NDUFS1: variants seen among roughly 807,000 people sequenced by gnomAD.
NDUFS1 encodes the protein NADH-ubiquinone oxidoreductase 75 kDa subunit, mitochondrial.
A neutral mutation model predicts 84.4 loss-of-function variants in NDUFS1; 61 were observed. The ratio of observed to expected loss-of-function variants is 0.72; its 90% CI spans 0.59 to 0.89. NDUFS1 has a LOEUF of 0.89. NDUFS1 is among the 40% of genes least tolerant of loss of function. NDUFS1 has a pLI of 0.00. For synonymous variants in NDUFS1, 275 were observed against 290.0 expected, an observed-to-expected ratio of 0.95 and a Z score of 0.53; for missense variants, 891 against 890.0, an observed-to-expected ratio of 1.00 and a Z score of -0.01.
In NDUFS1 at chr2:206,118,814, C is replaced by T. The variant is rs930521704; in HGVS notation, c.*5371G>A. 2.7e-5 allele frequency: 4 copies of T among 150,130 alleles called. No homozygotes were observed. Among genetic ancestry groups the T allele is most frequent in the South Asian group, 2.1e-4 (1 of 4,688 alleles). The allele number at this position is 150,130 out of a possible 1,614,324, so 9.3% of individuals were successfully genotyped here. A position where few individuals can be genotyped will look rare whatever the true frequency, so the allele number is the denominator to read the frequency against. On this transcript the variant is annotated 3_prime_UTR_variant, in exon 19 of 19. Transcript: ENST00000233190. Reference sequence around the variant, plus strand: ...TAAAAATACAAAAATTGACTGGGCACGGATAGCTCACGCCTGTAATCCCAG... The same window carrying T: ...TAAAAATACAAAAATTGACTGGGCATGGATAGCTCACGCCTGTAATCCCAG...
rs1028038730 is a variant in NDUFS1, at chr2:206,142,900, A to G, written c.988-69T>C. On this transcript the variant is annotated intron_variant, in intron 10 of 18. Transcript: ENST00000233190. Reference sequence around the variant, plus strand: ...GCAAAGACCACAATGAAATGTTCAGAAAATAAAACAGTACTTGTTTTCAAG... The same window carrying G: ...GCAAAGACCACAATGAAATGTTCAGGAAATAAAACAGTACTTGTTTTCAAG... 63 of 1,579,254 alleles carry G rather than the reference A, an allele frequency of 4.0e-5. No homozygotes were observed. The African/African-American group carries it at 8.4e-4, about 21-fold the overall frequency.
intron 13 of NDUFS1, among the ~76,000 whole-genome samples, chr2:206,136,282 G>A (rs1242491894): frequency 1.3e-5 from 2 of 150,856 alleles, no homozygotes; most frequent in Non-Finnish European, 3.0e-5. Flanking sequence ...TCAAACTCCT[G>A]ACCTTGTGAT....
chr2:206,138,200 C>G (rs1356143203), intron 13 of NDUFS1, among the ~76,000 whole-genome samples: 1 of 152,166 alleles, frequency 6.6e-6, no homozygotes, highest in Admixed American at 6.5e-5. Flanking sequence ...AAGCAATTCT[C>G]CTGCTTCAGC....
Position 206,130,107 on chromosome 2 carries a change from A to C in NDUFS1, c.1689T>G (p.Asp563Glu). 1.2e-6 allele frequency: 2 copies of C among 1,614,170 alleles called. No individual in the cohort carries two copies. Among genetic ancestry groups the C allele is most frequent in the Non-Finnish European group, 1.7e-6 (2 of 1,180,028 alleles). Residue 563 changes from aspartate to glutamate, a missense_variant, in exon 15 of 19, where the codon GAT becomes GAG. Transcript: ENST00000233190. ...GCITRQDLPK[D>E]CFIIYQGHHG... is the part of the protein sequence containing the mutation. ...ACTTACCTTGATAAATAATGAAACA[A>C]TCCTTTGGCAAATCCTGTCGTGTGA...
In NDUFS1 at chr2:206,116,133, A is replaced by G. The variant is rs1690936701; in HGVS notation, c.*8052T>C. ...TTTCACTCCTCAATAGATTTTATGT[A>G]TTTCTCATATGCTTCTTCACTCATA... On this transcript the variant is annotated 3_prime_UTR_variant, in exon 19 of 19. Coordinates refer to ENST00000233190, the MANE Select transcript of NDUFS1 (RefSeq NM_005006.7). 1.4e-5 allele frequency: 21 copies of G among 1,505,682 alleles called. No individual in the cohort carries two copies. The highest frequency in any genetic ancestry group is 1.8e-5 in the Non-Finnish European group (20 of 1,082,736). The allele number at this position is 1,505,682 out of a possible 1,614,324, so 93.3% of individuals were successfully genotyped here. A position where few individuals can be genotyped will look rare whatever the true frequency, so the allele number is the denominator to read the frequency against.
At chr2:206,126,461 G>T in intron 18 of NDUFS1, 78 bp downstream of exon 18, 2 of 1,312,922 alleles carry the variant, frequency 1.5e-6, no homozygotes, top group Non-Finnish European at 1.1e-6. Context: ...TCACAAATTG[G>T]AATTATAACA....
chr2:206,129,573 G>T (rs1278858918), intron 15 of NDUFS1, among the ~76,000 whole-genome samples: 1 of 151,086 alleles, frequency 6.6e-6, no homozygotes, highest in Non-Finnish European at 1.5e-5. Context: ...ACAGGATTTA[G>T]TTCATATATT....
chr2:206,142,404 G>C (rs766904696), intron 11 of NDUFS1, among the ~76,000 whole-genome samples: 1 of 151,928 alleles, frequency 6.6e-6, no homozygotes, highest in Non-Finnish European at 1.5e-5. Flanking sequence ...TAGTAGAGAC[G>C]GGGTTTCGCC....
At position 206,153,643 on chromosome 2, in the gene NDUFS1, G is replaced by C. The variant is rs1330873364; in HGVS notation, c.36C>G (p.Gly12=). The C allele has an allele frequency of 1.3e-6, 2 of 1,544,742 alleles. No homozygotes were observed. Among genetic ancestry groups the C allele is most frequent in the Admixed American group, 3.4e-5 (2 of 58,370 alleles). The change falls in exon 2 of 19, where the codon GGC becomes GGG. Residue 12 remains glycine (G), a synonymous_variant. Transcript: ENST00000233190. ...CACATCCTTTAGGAGACTTAGAAAG[G>C]CCTACTAAGGCCTTTCTTACAGGTA... is the stretch of plus-strand genomic sequence containing the variant. ...LRIPVRKALV[G]LSKSPKGCVR...
chr2:206,124,143 C>T lies in NDUFS1; in HGVS notation c.*42G>A, dbSNP rs753013702. 2.4e-6 allele frequency: 3 copies of T among 1,243,856 alleles called. No homozygotes were observed. Among genetic ancestry groups the T allele is most frequent in the Admixed American group, 1.7e-5 (1 of 59,488 alleles). 77.1% of individuals were successfully genotyped at this position (1,243,856 alleles called of 1,614,324 possible). On this transcript the variant is annotated 3_prime_UTR_variant, in exon 19 of 19. Coordinates refer to ENST00000233190, the MANE Select transcript of NDUFS1 (RefSeq NM_005006.7). ...TAAAGGATCACTGCACTACAGTTGT[C>T]CATTAATTATCTGCGGCAAAACTGG...
At chr2:206,129,411 C>G (rs927372449) in intron 15 of NDUFS1, among the ~76,000 whole-genome samples, 1 of 151,964 alleles carries the variant, frequency 6.6e-6, no homozygotes, top group Non-Finnish European at 1.5e-5. Context: ...CACAGACATG[C>G]AGCAACACGC....
At chr2:206,137,158 T>G (rs549017883) in intron 13 of NDUFS1, among the ~76,000 whole-genome samples, 1 of 152,282 alleles carries the variant, frequency 6.6e-6, no homozygotes, top group African/African-American at 2.4e-5. Context: ...AGTCTTATAG[T>G]GATGTCTTCA....
intron 16 of NDUFS1, 167 bp downstream of exon 16, chr2:206,127,630 T>C (rs1691343340): frequency 1.4e-6 from 1 of 717,344 alleles, no homozygotes; most frequent in Non-Finnish European, 2.3e-6. Context: ...GAGAGCTCAC[T>C]GTAACCTTGA....
intron 14 of NDUFS1, 135 bp from the exon 15 acceptor site, chr2:206,130,377 T>G: frequency 1.3e-5 from 15 of 1,124,186 alleles, no homozygotes; most frequent in African/African-American, 3.1e-5. Context: ...TTCTCGGCGA[T>G]AGAGTCTCAC....
chr2:206,149,973 T>C (rs984029664), intron 3 of NDUFS1, 48 bp from the exon 4 acceptor site: 2 of 1,284,576 alleles, frequency 1.6e-6, no homozygotes, highest in Non-Finnish European at 2.2e-6. Flanking sequence ...TAGAATAACC[T>C]GACTTCACTG....
intron 2 of NDUFS1, 59 bp downstream of exon 2, chr2:206,153,557 CTT>C (rs1692455327): frequency 2.3e-5 from 23 of 1,010,320 alleles, no homozygotes; most frequent in Non-Finnish European, 3.0e-5. Flanking sequence ...ATGCCATAGA[CTT>C]ATAAATTTAC....
At chr2:206,127,381 A>G (rs1377462533) in intron 16 of NDUFS1, among the ~76,000 whole-genome samples, 2 of 152,194 alleles carry the variant, frequency 1.3e-5, no homozygotes, top group Non-Finnish European at 2.9e-5. Flanking sequence ...CTAAAAATAT[A>G]AAAATTAGCC....
At chr2:206,138,686 G>T in intron 12 of NDUFS1, 72 bp from the exon 13 acceptor site, 1 of 1,441,664 alleles carries the variant, frequency 6.9e-7, no homozygotes, top group Non-Finnish European at 9.7e-7. Context: ...AATCCTAAGT[G>T]ATACATCTAT....
At chr2:206,152,984 G>A (rs996671276) in intron 2 of NDUFS1, among the ~76,000 whole-genome samples, 3 of 151,988 alleles carry the variant, frequency 2.0e-5, no homozygotes, top group Non-Finnish European at 4.4e-5. Context: ...GATTACAGGA[G>A]TGAGCCACCA....
Sources: gnomAD v4.1 joint callset for allele counts (sites outside exome capture counted in the v4.1 genomes callset) on GRCh38, gnomAD v4.1.1 for gene constraint, MANE v1.5 for transcripts, NCBI Gene and HGNC (gene_info 2026-07-23, HGNC 2026-07-21) for gene names.